The following VPS13B variants were observed in gnomAD, a reference collection of about 807,000 sequenced individuals.
The protein encoded by VPS13B is intermembrane lipid transfer protein VPS13B.
A neutral mutation model predicts 426.4 loss-of-function variants in VPS13B; 285 were observed. The ratio of observed to expected loss-of-function variants is 0.67; its 90% confidence interval spans 0.61 to 0.74. The LOEUF (loss-of-function observed/expected upper bound fraction) is 0.74. VPS13B is among the 30% of genes least tolerant of loss of function. VPS13B has a pLI of 0.00. For synonymous variants in VPS13B, 1,676 were observed against 1,676.4 expected (o/e 1.00, Z 0.01); for missense variants, 4,537 against 4,782.6 (o/e 0.95, Z 1.51).
intron 6 of VPS13B, among the ~76,000 whole-genome samples, chr8:99,112,332 CTGT>C (rs1847408009): frequency 6.6e-6 from 1 of 152,138 alleles, no homozygotes; most frequent in African/African-American, 2.4e-5. Context: ...GTATTAACTA[CTGT>C]TCCTGTTTGA....
intron 2 of VPS13B, among the ~76,000 whole-genome samples, chr8:99,027,033 T>A (rs954637021): frequency 6.6e-6 from 1 of 152,106 alleles, no homozygotes; most frequent in South Asian, 2.1e-4. Flanking sequence ...CCCAACATCA[T>A]GCCCAGCTAA....
intron 35 of VPS13B, among the ~76,000 whole-genome samples, chr8:99,676,405 C>G (rs1830934008): frequency 6.6e-6 from 1 of 152,016 alleles, no homozygotes; most frequent in Non-Finnish European, 1.5e-5. Flanking sequence ...TGGGACAGGT[C>G]AAGAGGCTCA....
chr8:99,066,605 G>A (rs1332686440), intron 3 of VPS13B, among the ~76,000 whole-genome samples: 3 of 152,224 alleles, frequency 2.0e-5, no homozygotes, highest in Non-Finnish European at 4.4e-5. Flanking sequence ...AGGACTTCAT[G>A]TCTAAAACAC....
chr8:99,471,762 T>C (rs1206769706), intron 24 of VPS13B, among the ~76,000 whole-genome samples: 1 of 152,152 alleles, frequency 6.6e-6, no homozygotes, highest in Non-Finnish European at 1.5e-5. Flanking sequence ...TTTTACATAT[T>C]GTCTATGGTT....
At chr8:99,337,264 CA>C (rs1474705662) in intron 19 of VPS13B, among the ~76,000 whole-genome samples, 1 of 148,996 alleles carries the variant, frequency 6.7e-6, no homozygotes, top group Non-Finnish European at 1.5e-5. Context: ...ATCACAAGAA[CA>C]AAAAACCAAA....
At chr8:99,269,537 T>G (rs1367228732) in intron 17 of VPS13B, among the ~76,000 whole-genome samples, 1 of 152,232 alleles carries the variant, frequency 6.6e-6, no homozygotes, top group African/African-American at 2.4e-5. Flanking sequence ...CCTGGAACAA[T>G]AACTACAGTT....
intron 39 of VPS13B, among the ~76,000 whole-genome samples, chr8:99,752,343 A>C (rs1810437379): frequency 1.3e-5 from 2 of 152,348 alleles, no homozygotes; most frequent in Non-Finnish European, 1.5e-5. Flanking sequence ...ATTGCTTTTC[A>C]TCTAATCAAG....
chr8:99,675,696 G>C (rs1830906077), intron 35 of VPS13B, among the ~76,000 whole-genome samples: 2 of 151,770 alleles, frequency 1.3e-5, no homozygotes, highest in Non-Finnish European at 2.9e-5. Context: ...TTCATAGATT[G>C]TTTCTTCTGC....
intron 4 of VPS13B, among the ~76,000 whole-genome samples, chr8:99,102,373 T>C (rs2132451738): frequency 6.6e-6 from 1 of 152,276 alleles, no homozygotes; most frequent in African/African-American, 2.4e-5. Flanking sequence ...TCATTCATAT[T>C]TTCCCCTCTA....
At chr8:99,208,502 T>TA (rs1351213191) in intron 17 of VPS13B, among the ~76,000 whole-genome samples, 3 of 152,224 alleles carry the variant, frequency 2.0e-5, no homozygotes, top group African/African-American at 4.8e-5. Flanking sequence ...GTCACCTTTT[T>TA]AAATGAAGTG....
At chr8:99,556,423 T>C (rs1420216465) in intron 30 of VPS13B, 27 bp from the exon 31 acceptor site, 22 of 1,607,104 alleles carry the variant, frequency 1.4e-5, no homozygotes, top group Non-Finnish European at 1.9e-5. Flanking sequence ...CTTGTTTTTA[T>C]TTTTGTTTTT....
At chr8:99,341,060 G>T in intron 19 of VPS13B, 1 of 267,786 alleles carries the variant, frequency 3.7e-6, no homozygotes, top group Non-Finnish European at 7.5e-6. Context: ...TAACTGATGC[G>T]GTAGTGTAAT....
chr8:99,843,682 C>T (rs1254820242), intron 54 of VPS13B, among the ~76,000 whole-genome samples: 1 of 152,222 alleles, frequency 6.6e-6, no homozygotes, highest in Non-Finnish European at 1.5e-5. Flanking sequence ...TATACCCTGG[C>T]AGCAAGAAAT....
chr8:99,437,404 T>TA lies in VPS13B; in HGVS notation c.3211-4988dup, dbSNP rs200898910. 9.7e-3 allele frequency among the ~76,000 whole-genome samples: 1,446 copies of TA among 149,620 alleles called. 25 individuals are homozygous for TA. Among genetic ancestry groups the TA allele is most frequent in the African/African-American group, 0.033 (1,334 of 40,072 alleles). Reference sequence around the variant, plus strand: ...TGTAGTCTTGGACAGTCTTTTTTTTTAAAAAAAAATATATATATATATGAA... The same window carrying TA: ...TGTAGTCTTGGACAGTCTTTTTTTTTAAAAAAAAAATATATATATATATGAA... On this transcript the variant is annotated intron_variant, in intron 22 of 61. Coordinates refer to ENST00000357162, the MANE Select transcript of VPS13B (RefSeq NM_152564.5).
intron 36 of VPS13B, among the ~76,000 whole-genome samples, chr8:99,703,172 G>A (rs941203562): frequency 6.6e-6 from 1 of 152,024 alleles, no homozygotes; most frequent in Admixed American, 6.6e-5. Flanking sequence ...ATTGACTGAA[G>A]CAGTTAAAGG....
chr8:99,639,539 T>G (rs555995837), intron 33 of VPS13B, among the ~76,000 whole-genome samples: 3 of 151,952 alleles, frequency 2.0e-5, no homozygotes, highest in Non-Finnish European at 2.9e-5. Flanking sequence ...TCAACAACTA[T>G]AAAAACCAAT....
chr8:99,111,356 T>C, intron 6 of VPS13B, 77 bp downstream of exon 6: 1 of 1,225,948 alleles, frequency 8.2e-7, no homozygotes, highest in Non-Finnish European at 1.1e-6. Flanking sequence ...CTAATCATTA[T>C]TAACAAATGA....
chr8:99,325,405 A>T lies in VPS13B; in HGVS notation c.2824+50151A>T, dbSNP rs1031959992. On this transcript the variant is annotated intron_variant, in intron 19 of 61. Coordinates refer to ENST00000357162, the MANE Select transcript of VPS13B (RefSeq NM_152564.5). ...CTCTATAAATTGTCCAGACTATCAG[A>T]TAAAATCCAAATGTTTCATCCTTTG... Among the ~76,000 whole-genome samples the T allele has an allele frequency of 3.3e-5, 5 of 152,336 alleles. No individual in the cohort carries two copies. The Middle Eastern group carries it at 0.014, about 415-fold the overall frequency.
intron 4 of VPS13B, among the ~76,000 whole-genome samples, chr8:99,097,100 T>G (rs1164341155): frequency 1.3e-5 from 2 of 152,210 alleles, no homozygotes; most frequent in Non-Finnish European, 2.9e-5. Context: ...GGGATATTAC[T>G]TATGACTTAG....
Sources: allele counts gnomAD v4.1 joint callset (sites outside exome capture counted in the v4.1 genomes callset), GRCh38; gene constraint gnomAD v4.1.1; transcripts MANE v1.5; gene names NCBI Gene and HGNC (gene_info 2026-07-23, HGNC 2026-07-21).